Variants in NHS observed in about 807,000 individuals in gnomAD.
The protein encoded by NHS is actin remodeling regulator NHS.
Under a neutral mutation model 72.5 loss-of-function variants are expected in NHS, and 5 were observed. The ratio of observed to expected loss-of-function variants is 0.07; its 90% CI spans 0.04 to 0.14. The LOEUF (loss-of-function observed/expected upper bound fraction) is 0.14. NHS is among the 10% of genes least tolerant of loss of function. The pLI is 1.00. For synonymous variants in NHS, 464 were observed against 547.7 expected, an observed-to-expected ratio of 0.85 and a Z score of 2.13; for missense variants, 1,072 against 1,355.7, an observed-to-expected ratio of 0.79 and a Z score of 3.29.
chrX:17,481,385 T>C (rs999008681), intron 1 of NHS, among the ~76,000 whole-genome samples: 1 of 112,231 alleles, frequency 8.9e-6, no homozygotes, highest in Non-Finnish European at 1.9e-5. Context: ...GGAAACTTTG[T>C]TTCCTGAGAG....
chrX:17,528,873 C>G (rs772005105), intron 1 of NHS: 2 of 111,710 alleles, frequency 1.8e-5, no homozygotes, highest in African/African-American at 6.5e-5. Flanking sequence ...GGGCCACTAT[C>G]CTTTTTCGTA....
chrX:17,402,506 A>T (rs1340041240), intron 1 of NHS, among the ~76,000 whole-genome samples: 1 of 112,329 alleles, frequency 8.9e-6, no homozygotes, highest in East Asian at 2.8e-4. Context: ...AAGATTATTG[A>T]TACATGCTAC....
At chrX:17,718,224 G>A (rs2066376174) in intron 3 of NHS, among the ~76,000 whole-genome samples, 2 of 108,934 alleles carry the variant, frequency 1.8e-5, no homozygotes, top group African/African-American at 6.7e-5. Context: ...TGGCCACACA[G>A]AAAATAAGTG....
chrX:17,438,438 C>T (rs1196428122), intron 1 of NHS, among the ~76,000 whole-genome samples: 1 of 111,915 alleles, frequency 8.9e-6, no homozygotes, highest in African/African-American at 3.3e-5. Context: ...CATTTTCCTC[C>T]CTAGGCCTCG....
intron 1 of NHS, among the ~76,000 whole-genome samples, chrX:17,609,723 C>T (rs1365570837): frequency 9.0e-6 from 1 of 111,726 alleles, no homozygotes; most frequent in Admixed American, 9.5e-5. Context: ...AAGGAGACAA[C>T]AGTTCACATG....
intron 1 of NHS, among the ~76,000 whole-genome samples, chrX:17,418,820 A>G (rs1160929045): frequency 8.9e-6 from 1 of 111,852 alleles, no homozygotes; most frequent in Non-Finnish European, 1.9e-5. Flanking sequence ...GAGTCAAAGA[A>G]TGAATAAGGA....
intron 1 of NHS, among the ~76,000 whole-genome samples, chrX:17,572,608 T>A (rs2065487485): frequency 9.5e-6 from 1 of 105,778 alleles, no homozygotes; most frequent in African/African-American, 3.5e-5. Context: ...TACAGCACAC[T>A]GATGGGTCTT....
At chrX:17,548,203 G>T (rs1301538955) in intron 1 of NHS, among the ~76,000 whole-genome samples, 1 of 111,547 alleles carries the variant, frequency 9.0e-6, no homozygotes, top group Non-Finnish European at 1.9e-5. Context: ...CTAGAGGGAG[G>T]CCAACTGTGA....
At chrX:17,501,223 G>T (rs942108447) in intron 1 of NHS, among the ~76,000 whole-genome samples, 2 of 108,773 alleles carry the variant, frequency 1.8e-5, no homozygotes, top group Admixed American at 9.9e-5. Flanking sequence ...AATCAGCCAT[G>T]TGTGGTGGTG....
intron 1 of NHS, among the ~76,000 whole-genome samples, chrX:17,525,483 T>A (rs764630460): frequency 8.9e-6 from 1 of 112,105 alleles, no homozygotes; most frequent in Non-Finnish European, 1.9e-5. Flanking sequence ...CTTTTTGGAA[T>A]GTTAAAGCAG....
intron 1 of NHS, among the ~76,000 whole-genome samples, chrX:17,470,041 C>G (rs2064885734): frequency 9.0e-6 from 1 of 111,340 alleles, no homozygotes; most frequent in African/African-American, 3.3e-5. Context: ...CAGGCCTACA[C>G]AGCAGACTGG....
At chrX:17,566,002 A>G (rs1459171126) in intron 1 of NHS, among the ~76,000 whole-genome samples, 1 of 105,201 alleles carries the variant, frequency 9.5e-6, no homozygotes, top group East Asian at 3.0e-4. Flanking sequence ...TTTTTTTTAC[A>G]GGGTCTTGCT....
intron 1 of NHS, among the ~76,000 whole-genome samples, chrX:17,468,923 T>C (rs914000646): frequency 9.0e-6 from 1 of 111,486 alleles, no homozygotes; most frequent in South Asian, 3.8e-4. Context: ...CAGTATAGCT[T>C]GGTGAGTTTT....
intron 1 of NHS, among the ~76,000 whole-genome samples, chrX:17,546,269 T>C (rs2065292690): frequency 8.9e-6 from 1 of 112,184 alleles, no homozygotes; most frequent in Non-Finnish European, 1.9e-5. Flanking sequence ...TTCTTCTTCC[T>C]CCATCCTGCC....
chrX:17,537,131 C>T (rs1180255139), intron 1 of NHS, among the ~76,000 whole-genome samples: 1 of 112,379 alleles, frequency 8.9e-6, no homozygotes, highest in Admixed American at 9.4e-5. Context: ...GGGGCATCTT[C>T]CTTCCATCTG....
chrX:17,601,876 A>G (rs1441375644), intron 1 of NHS, among the ~76,000 whole-genome samples: 3 of 112,184 alleles, frequency 2.7e-5, no homozygotes, highest in Admixed American at 9.5e-5. Flanking sequence ...ATAAAAGGAC[A>G]TATAAACTCA....
chrX:17,726,891 G>A lies in NHS; in HGVS notation c.2785G>A (p.Ala929Thr). 8.3e-7 allele frequency: 1 copy of A among 1,211,808 alleles called. No homozygotes were observed. Among genetic ancestry groups the A allele is most frequent in the African/African-American group, 1.7e-5 (1 of 57,795 alleles). Residue 929 changes from alanine (A) to threonine (T), a missense_variant, in exon 7 of 9, where the codon GCT (alanine) becomes ACT (threonine). Transcript: ENST00000676302. ...EQGIKEPQLDASDIPPFKDEV... is the reference protein window; with the variant it reads ...EQGIKEPQLDTSDIPPFKDEV... ...AGGCATTAAGGAACCTCAGTTAGATGCTTCGGATATTCCACCATTCAAAGA... is the reference window on the plus strand; with the variant it reads ...AGGCATTAAGGAACCTCAGTTAGATACTTCGGATATTCCACCATTCAAAGA...
intron 1 of NHS, among the ~76,000 whole-genome samples, chrX:17,671,885 G>A (rs1260397903): frequency 8.9e-6 from 1 of 112,062 alleles, no homozygotes; most frequent in African/African-American, 3.2e-5. Context: ...AGCATCCATT[G>A]ACATGATAGA....
At chrX:17,563,801 G>A (rs1383344035) in intron 1 of NHS, among the ~76,000 whole-genome samples, 1 of 109,615 alleles carries the variant, frequency 9.1e-6, no homozygotes, top group Non-Finnish European at 1.9e-5. Context: ...TGGAGTGGGT[G>A]GACGGGTGGG....
Sources: gnomAD v4.1 joint callset for allele counts (sites outside exome capture counted in the v4.1 genomes callset) on GRCh38, gnomAD v4.1.1 for gene constraint, MANE v1.5 for transcripts, NCBI Gene and HGNC (gene_info 2026-07-23, HGNC 2026-07-21) for gene names.